Variants in USB1 observed in about 807,000 individuals in gnomAD.
The protein encoded by USB1 is U6 snRNA biogenesis phosphodiesterase 1.
A neutral mutation model predicts 29.9 loss-of-function variants in USB1; 21 were observed. That is an observed-to-expected ratio of 0.70 (90% CI 0.50 to 1.01). The LOEUF is 1.01. USB1 is among the 50% of genes least tolerant of loss of function. The pLI is 0.00. For missense variants in USB1, 330 were observed against 347.1 expected, an observed-to-expected ratio of 0.95 and a Z score of 0.39; for synonymous variants, 143 against 134.9, an observed-to-expected ratio of 1.06 and a Z score of -0.42.
chr16:58,011,892 G>A lies in USB1; in HGVS notation c.449+1780G>A, dbSNP rs1277710724. 4 of 1,002,852 alleles carry A rather than the reference G, an allele frequency of 4.0e-6. No individual in the cohort carries two copies. In the African/African-American group the frequency reaches 5.2e-5, roughly 13 times the overall value. 62.1% of individuals were successfully genotyped at this position (1,002,852 alleles called of 1,614,324 possible). On this transcript the variant is annotated intron_variant, in intron 3 of 6. Transcript: ENST00000219281. ...TGAGTCATGGTGCGGGAATGAGGGA[G>A]CCTAGAGAATATCTTTCTGGATCCT...
At chr16:58,015,088 TAAATAAATA>T in intron 4 of USB1, 1 of 9,722 alleles carries the variant, frequency 1.0e-4, no homozygotes, top group Non-Finnish European at 3.0e-4. Context: ...CAAAAATAAA[TAAATAAATA>T]AATAAATAAA....
chr16:58,006,339 C>G (rs1963354253), intron 2 of USB1, among the ~76,000 whole-genome samples: 1 of 105,132 alleles, frequency 9.5e-6, no homozygotes, highest in African/African-American at 3.8e-5. Context: ...TCAACAAGAG[C>G]AAAACCTCGT....
At chr16:58,006,030 A>T (rs1963344785) in intron 2 of USB1, among the ~76,000 whole-genome samples, 1 of 151,846 alleles carries the variant, frequency 6.6e-6, no homozygotes, top group African/African-American at 2.4e-5. Context: ...GTTCTTTTGG[A>T]TTTTCTCCGT....
intron 6 of USB1, among the ~76,000 whole-genome samples, chr16:58,019,348 C>G (rs1481489711): frequency 6.6e-6 from 1 of 151,684 alleles, no homozygotes; most frequent in South Asian, 2.1e-4. Context: ...CATTACAGTT[C>G]TAGGGAGCAC....
Position 58,001,513 on chromosome 16 carries a change from C to T in USB1, c.30C>T (p.Ser10=), listed in dbSNP as rs777899627. The T allele has an allele frequency of 1.2e-6, 2 of 1,607,570 alleles. No homozygotes were observed. Among genetic ancestry groups the T allele is most frequent in the Non-Finnish European group, 1.7e-6 (2 of 1,177,520 alleles). The change falls in exon 1 of 7, where the codon AGC becomes AGT. Residue 10 remains serine, a synonymous_variant. Transcript: ENST00000219281. ...GCGCGGCGCCCCTGGTGGGCTACAG[C>T]AGCAGCGGCTCCGAGGATGAGTCCG... The part of the protein sequence containing the change: MSAAPLVGY[S]SSGSEDESED...
chr16:58,012,713 G>C (rs865900748), intron 3 of USB1: 11 of 1,091,430 alleles, frequency 1.0e-5, no homozygotes, highest in Non-Finnish European at 1.2e-5. Context: ...CTTATCCTGC[G>C]GAAGCTCTGC....
At chr16:58,010,135 T>G in intron 3 of USB1, 23 bp downstream of exon 3, 1 of 1,613,476 alleles carries the variant, frequency 6.2e-7, no homozygotes, top group Non-Finnish European at 8.5e-7. Context: ...TCCCTCTGCC[T>G]CTCCACTCCC....
intron 3 of USB1, 45 bp from the exon 4 acceptor site, chr16:58,014,228 T>G: frequency 6.5e-7 from 1 of 1,546,112 alleles, no homozygotes. Context: ...TTTTTCTGCT[T>G]TTTTTCTTAC....
chr16:58,006,709 A>G (rs552599792), intron 2 of USB1, among the ~76,000 whole-genome samples: 1 of 152,256 alleles, frequency 6.6e-6, no homozygotes, highest in African/African-American at 2.4e-5. Flanking sequence ...TAATCTGTAT[A>G]CCTTTTATTT....
chr16:58,013,577 ACT>A lies in USB1; in HGVS notation c.450-693_450-692del. 4.3e-5 allele frequency: 31 copies of A among 713,260 alleles called. No homozygotes were observed. The highest frequency in any genetic ancestry group is 5.1e-5 in the Non-Finnish European group (31 of 610,124). The allele number at this position is 713,260 out of a possible 1,614,324, so 44.2% of individuals were successfully genotyped here. The stretch of plus-strand genomic sequence containing the variant: ...CAAAGCACTTACCTAGCTGAGCCTG[ACT>A]CTTCCCGTGTTATTGATCTGAGGGG... On this transcript the variant is annotated intron_variant, in intron 3 of 6. Coordinates refer to ENST00000219281, the MANE Select transcript of USB1 (RefSeq NM_024598.4). This position sits in a 1 kb window ranked among gnomAD's most constrained non-coding sequence, Gnocchi z 4.3.
chr16:58,018,830 A>T, intron 5 of USB1, 142 bp from the exon 6 acceptor site: 1 of 807,058 alleles, frequency 1.2e-6, no homozygotes, highest in Non-Finnish European at 2.1e-6. Flanking sequence ...GGTGCTTGGG[A>T]TCAACACTGA....
chr16:58,009,393 T>C (rs548818382), intron 2 of USB1, among the ~76,000 whole-genome samples: 1 of 152,288 alleles, frequency 6.6e-6, no homozygotes, highest in Non-Finnish European at 1.5e-5. Context: ...AGGCTGTAAT[T>C]CAGTAAGTTT....
At chr16:58,009,756 T>C (rs1963446498) in intron 2 of USB1, among the ~76,000 whole-genome samples, 173 bp from the exon 3 acceptor site, 1 of 150,750 alleles carries the variant, frequency 6.6e-6, no homozygotes, top group Non-Finnish European at 1.5e-5. Context: ...AATAAATAAA[T>C]AAATAAATGA....
intron 4 of USB1, chr16:58,015,097 A>G (rs1357534592): frequency 6.6e-5 from 10 of 151,422 alleles, no homozygotes; most frequent in African/African-American, 2.4e-4. Flanking sequence ...ATAAATAAAT[A>G]AATAAATAAA....
chr16:58,014,591 T>C (rs1350825320), intron 4 of USB1, among the ~76,000 whole-genome samples: 1 of 152,196 alleles, frequency 6.6e-6, no homozygotes, highest in Non-Finnish European at 1.5e-5. Context: ...CAGACCAGCC[T>C]GGGCAACATG....
At position 58,013,004 on chromosome 16, in the gene USB1, C is replaced by T; in HGVS notation, c.450-1269C>T. The T allele has an allele frequency of 1.0e-6, 1 of 985,734 alleles. No individual in the cohort carries two copies. Among genetic ancestry groups the T allele is most frequent in the African/African-American group, 1.7e-5 (1 of 57,370 alleles). The allele number at this position is 985,734 out of a possible 1,614,324, so 61.1% of individuals were successfully genotyped here. On this transcript the variant is annotated intron_variant, in intron 3 of 6. Coordinates refer to ENST00000219281, the MANE Select transcript of USB1 (RefSeq NM_024598.4). The surrounding 1 kb of genome is among the most constrained non-coding windows in gnomAD (Gnocchi z 4.3). ...CAGCACCTGGACCCCTGGGCTGGTT[C>T]CCTCTGAGGAAAGGATCTGTGTCAT...
At chr16:58,017,035 T>C in intron 4 of USB1, 1 of 421,574 alleles carries the variant, frequency 2.4e-6, no homozygotes, top group Non-Finnish European at 4.5e-6. Context: ...AGAATGGGGG[T>C]GCAGAAGCTT....
intron 2 of USB1, among the ~76,000 whole-genome samples, chr16:58,003,039 C>G (rs867606089): frequency 1.3e-5 from 2 of 152,290 alleles, no homozygotes; most frequent in Middle Eastern, 3.4e-3. Flanking sequence ...GCCCAGGCTT[C>G]AGAGTCAGAC....
chr16:58,001,643 C>G, intron 1 of USB1, 62 bp downstream of exon 1: 1 of 1,534,986 alleles, frequency 6.5e-7, no homozygotes, highest in Middle Eastern at 1.7e-4. Context: ...AGACGGGACC[C>G]GAATGTCTGG....
Sources: gnomAD v4.1 joint callset for allele counts (sites outside exome capture counted in the v4.1 genomes callset) on GRCh38, gnomAD v4.1.1 for gene constraint, Gnocchi (gnomAD v3.1) non-coding constraint, MANE v1.5 for transcripts, NCBI Gene and HGNC (gene_info 2026-07-23, HGNC 2026-07-21) for gene names.